Variants in SCARA5 observed in about 807,000 individuals in gnomAD.
The protein encoded by SCARA5 is scavenger receptor class A, member 5 (putative).
Under a neutral mutation model 46.3 loss-of-function variants are expected in SCARA5, and 45 were observed. The observed-to-expected ratio is 0.97, with a 90% confidence interval of 0.76 to 1.24. The LOEUF is 1.24. SCARA5 is among the 50% of genes most tolerant of loss of function. SCARA5 has a pLI of 0.00. For synonymous variants in SCARA5, 333 were observed against 306.5 expected (o/e 1.09, Z -0.90); for missense variants, 680 against 689.0 (o/e 0.99, Z 0.15).
intron 2 of SCARA5, among the ~76,000 whole-genome samples, chr8:27,981,865 G>C (rs962273036): frequency 6.6e-6 from 1 of 152,312 alleles, no homozygotes; most frequent in East Asian, 1.9e-4. Context: ...ACCAGAGCCT[G>C]ATGCGGCAAC....
rs1343166065 is a variant in SCARA5, at chr8:27,870,951, CA to C, written c.*982del. 3.3e-5 allele frequency: 5 copies of C among 152,244 alleles called. No individual in the cohort carries two copies. Among genetic ancestry groups the C allele is most frequent in the Non-Finnish European group, 5.9e-5 (4 of 68,070 alleles). 9.4% of individuals were successfully genotyped at this position (152,244 alleles called of 1,614,324 possible). On this transcript the variant is annotated 3_prime_UTR_variant, in exon 9 of 9. Coordinates refer to ENST00000354914, the MANE Select transcript of SCARA5 (RefSeq NM_173833.6). ...GCACTGGACTCAGGTTTAACATGGG[CA>C]GCCCCCATGTCACCCTCCACATCAG...
chr8:27,930,786 C>T (rs1807758967), intron 3 of SCARA5, among the ~76,000 whole-genome samples: 2 of 152,170 alleles, frequency 1.3e-5, no homozygotes, highest in African/African-American at 4.8e-5. Flanking sequence ...AGCTCAAGGC[C>T]ACCCTGCTAG....
intron 7 of SCARA5, among the ~76,000 whole-genome samples, chr8:27,881,834 G>A (rs962476892): frequency 3.3e-5 from 5 of 152,152 alleles, no homozygotes; most frequent in Non-Finnish European, 7.4e-5. Context: ...TGAGAGTGGT[G>A]CATTTGTTAC....
chr8:27,937,082 A>G (rs1008309515), intron 3 of SCARA5, among the ~76,000 whole-genome samples: 2 of 152,242 alleles, frequency 1.3e-5, no homozygotes, highest in Admixed American at 6.5e-5. Context: ...CAAATTTATA[A>G]GTAGCATTCG....
intron 3 of SCARA5, among the ~76,000 whole-genome samples, chr8:27,957,283 T>G (rs1808220591): frequency 6.6e-6 from 1 of 152,226 alleles, no homozygotes; most frequent in Non-Finnish European, 1.5e-5. Flanking sequence ...CTCTTGATAT[T>G]CGAAGCTGAA....
intron 3 of SCARA5, among the ~76,000 whole-genome samples, chr8:27,923,926 T>C (rs1039532233): frequency 2.6e-5 from 4 of 152,200 alleles, no homozygotes; most frequent in Admixed American, 2.0e-4. Flanking sequence ...CCCATCCCAG[T>C]GATCCCCCAC....
At chr8:27,980,436 A>T (rs1481635671) in intron 2 of SCARA5, among the ~76,000 whole-genome samples, 3 of 152,146 alleles carry the variant, frequency 2.0e-5, no homozygotes, top group Non-Finnish European at 4.4e-5. Flanking sequence ...GGCTAGTGGG[A>T]CATGTCGGTG....
intron 7 of SCARA5, among the ~76,000 whole-genome samples, chr8:27,890,496 T>A (rs1317634231): frequency 6.6e-6 from 1 of 152,250 alleles, no homozygotes; most frequent in Non-Finnish European, 1.5e-5. Context: ...CGTGGCTGGC[T>A]GAGGGCCCTA....
chr8:27,966,430 GC>G lies in SCARA5; in HGVS notation c.224del (p.Gly75AlafsTer5). 1 of 1,611,000 alleles carries G rather than the reference GC, an allele frequency of 6.2e-7. No individual in the cohort carries two copies. The highest frequency in any genetic ancestry group is 8.5e-7 in the Non-Finnish European group (1 of 1,179,204). On this transcript the variant is annotated frameshift_variant, in exon 3 of 9. Transcript: ENST00000354914. LOFTEE classifies it high-confidence loss of function. Reference protein sequence around the residue: ...LYLLVFLILVGIFILAVSRPR... With the variant: ...LYLLVFLILVXIFILAVSRPR... ...TGCTCTTACCTGCTAAGATGAAGAT[GC>G]CCACAAGAATCAGGAAGACCAGCAG...
At chr8:27,951,454 A>G (rs1240809238) in intron 3 of SCARA5, among the ~76,000 whole-genome samples, 1 of 152,226 alleles carries the variant, frequency 6.6e-6, no homozygotes, top group Non-Finnish European at 1.5e-5. Flanking sequence ...TTTCTTGGTG[A>G]CCAACGAATG....
chr8:27,905,705 CTTT>C (rs869032548), intron 6 of SCARA5, among the ~76,000 whole-genome samples: 2 of 8,064 alleles, frequency 2.5e-4, no homozygotes, highest in Admixed American at 2.3e-3. Flanking sequence ...CTTTTCTTTT[CTTT>C]TTTTTTTTTT....
chr8:27,876,559 C>A (rs1241877032), intron 8 of SCARA5, among the ~76,000 whole-genome samples: 5 of 152,064 alleles, frequency 3.3e-5, no homozygotes, highest in African/African-American at 1.2e-4. Context: ...GAGAGAGGCA[C>A]AGGATCTGGT....
chr8:27,922,329 G>T, intron 3 of SCARA5, 84 bp from the exon 4 acceptor site: 1 of 912,252 alleles, frequency 1.1e-6, no homozygotes, highest in Non-Finnish European at 1.6e-6. Flanking sequence ...TCAGAGCCTG[G>T]CATGCAGTAG....
intron 3 of SCARA5, among the ~76,000 whole-genome samples, chr8:27,945,704 GGTAGTGAGTA>G (rs1033938935): frequency 1.1e-4 from 16 of 152,172 alleles, no homozygotes; most frequent in African/African-American, 3.9e-4. Flanking sequence ...AGCACCCCAT[GGTAGTGAGTA>G]TGTATTAGAC....
chr8:27,954,647 G>A lies in SCARA5; in HGVS notation c.241+11767C>T, dbSNP rs191661576. Among the ~76,000 whole-genome samples the A allele has an allele frequency of 1.7e-3, 261 of 152,318 alleles. 2 individuals are homozygous for A. Among genetic ancestry groups the A allele is most frequent in the African/African-American group, 5.1e-3 (214 of 41,566 alleles). On this transcript the variant is annotated intron_variant, in intron 3 of 8. Transcript: ENST00000354914. ...GCTTTGAGTGATTATGAAGAATGTG[G>A]TTGAGTTTTATACATATGCCATTTT...
intron 7 of SCARA5, among the ~76,000 whole-genome samples, chr8:27,893,167 G>A (rs1274950905): frequency 6.6e-6 from 1 of 152,184 alleles, no homozygotes; most frequent in East Asian, 1.9e-4. Flanking sequence ...CCCCTGAATT[G>A]AATGAGTCTC....
intron 3 of SCARA5, among the ~76,000 whole-genome samples, chr8:27,951,712 T>A (rs1427728610): frequency 6.6e-6 from 1 of 152,034 alleles, no homozygotes; most frequent in Non-Finnish European, 1.5e-5. Context: ...GGAAGGAAAA[T>A]CCTTCCTCTT....
At chr8:27,950,182 C>A (rs1308029067) in intron 3 of SCARA5, among the ~76,000 whole-genome samples, 1 of 14,224 alleles carries the variant, frequency 7.0e-5, no homozygotes, top group East Asian at 0.25. Flanking sequence ...CATCCTCCTG[C>A]CAACTGCATG....
At chr8:27,964,029 G>A (rs1197924701) in intron 3 of SCARA5, among the ~76,000 whole-genome samples, 1 of 152,198 alleles carries the variant, frequency 6.6e-6, no homozygotes, top group Admixed American at 6.5e-5. Flanking sequence ...AGAAGGCCAG[G>A]CAAGCTCTTC....
Sources: gnomAD v4.1 joint callset for allele counts (sites outside exome capture counted in the v4.1 genomes callset) on GRCh38, gnomAD v4.1.1 for gene constraint, MANE v1.5 for transcripts, NCBI Gene and HGNC (gene_info 2026-07-23, HGNC 2026-07-21) for gene names.